The following AK7 variants were observed in gnomAD, a reference collection of about 807,000 sequenced individuals.
The protein encoded by AK7 is ATP-AMP transphosphorylase 7.
A neutral mutation model predicts 96.6 loss-of-function variants in AK7; 78 were observed. The observed-to-expected ratio is 0.81, with a 90% CI of 0.67 to 0.97. The LOEUF (loss-of-function observed/expected upper bound fraction) is 0.97, where lower values mean the gene tolerates loss of function less well. AK7 is among the 50% of genes least tolerant of loss of function. AK7 has a pLI of 0.00. For synonymous variants in AK7, 302 were observed against 317.2 expected (o/e 0.95, Z 0.51); for missense variants, 855 against 887.9 (o/e 0.96, Z 0.47).
intron 4 of AK7, among the ~76,000 whole-genome samples, chr14:96,412,753 G>A (rs904358464): frequency 7.3e-5 from 11 of 151,656 alleles, no homozygotes; most frequent in Admixed American, 3.9e-4. Context: ...TTTAAGTAGA[G>A]ATGGGGTTTC....
chr14:96,475,086 G>A, intron 14 of AK7, among the ~76,000 whole-genome samples: 1 of 152,218 alleles, frequency 6.6e-6, no homozygotes, highest in Non-Finnish European at 1.5e-5. Flanking sequence ...CTTAAACGTA[G>A]GCCACTGGAC....
At chr14:96,466,459 C>T (rs936081133) in intron 12 of AK7, among the ~76,000 whole-genome samples, 7 of 151,904 alleles carry the variant, frequency 4.6e-5, no homozygotes, top group Non-Finnish European at 8.8e-5. Context: ...AGGATGGTCT[C>T]GATCTCCTGA....
chr14:96,452,902 A>G (rs1353837009), intron 10 of AK7, among the ~76,000 whole-genome samples: 1 of 152,210 alleles, frequency 6.6e-6, no homozygotes, highest in East Asian at 1.9e-4. Context: ...AAATCAGATC[A>G]ATGAAGCACC....
intron 1 of AK7, among the ~76,000 whole-genome samples, chr14:96,396,046 G>A (rs758628347): frequency 5.3e-5 from 8 of 151,816 alleles, no homozygotes; most frequent in South Asian, 2.1e-4. Flanking sequence ...TCCTGACCTC[G>A]TGATCTGCCT....
chr14:96,410,085 A>G (rs938488127), intron 4 of AK7, among the ~76,000 whole-genome samples: 2 of 152,226 alleles, frequency 1.3e-5, no homozygotes, highest in African/African-American at 4.8e-5. Flanking sequence ...TATATATAAC[A>G]AGGAGATATT....
At chr14:96,401,404 A>G (rs11160335) in intron 2 of AK7, among the ~76,000 whole-genome samples, 23,511 of 152,162 alleles carry the variant, frequency 0.15, 2,478 homozygotes, top group East Asian at 0.48. Context: ...AGTCCTGCAG[A>G]TGGCCCTCCC....
intron 15 of AK7, among the ~76,000 whole-genome samples, chr14:96,482,322 G>A (rs1471627850): frequency 6.6e-6 from 1 of 152,190 alleles, no homozygotes; most frequent in Admixed American, 6.5e-5. Flanking sequence ...CAGCTACCCA[G>A]AGGAAGGTCT....
chr14:96,412,006 A>G (rs932854929), intron 4 of AK7, among the ~76,000 whole-genome samples: 17 of 152,178 alleles, frequency 1.1e-4, no homozygotes, highest in Non-Finnish European at 2.2e-4. Context: ...TCTCTTTGTC[A>G]TTGTCACAGG....
At chr14:96,472,001 TC>T (rs200055377) in intron 13 of AK7, among the ~76,000 whole-genome samples, 3,135 of 152,162 alleles carry the variant, frequency 0.021, 42 homozygotes, top group Non-Finnish European at 0.03. Context: ...TTTTGTTTTT[TC>T]CCCTCCCCAG....
Position 96,420,940 on chromosome 14 carries a change from T to C in AK7, c.609+8T>C. 2 of 1,548,288 alleles carry C rather than the reference T, an allele frequency of 1.3e-6. No individual in the cohort carries two copies. The highest frequency in any genetic ancestry group is 1.8e-6 in the Non-Finnish European group (2 of 1,121,490). ...CTCAAATTTGGAAAAAAGGTAAGTC[T>C]GGCATAGTGGAACATGGACATCATC... On this transcript the variant is annotated splice_region_variant and intron_variant, in intron 5 of 17. Coordinates refer to ENST00000267584, the MANE Select transcript of AK7 (RefSeq NM_152327.5).
At chr14:96,436,426 C>T (rs1892639053) in intron 5 of AK7, among the ~76,000 whole-genome samples, 6 of 152,120 alleles carry the variant, frequency 3.9e-5, no homozygotes, top group Admixed American at 3.3e-4. Context: ...AGGTGAATCA[C>T]TTGAGGTCAG....
intron 2 of AK7, among the ~76,000 whole-genome samples, chr14:96,403,209 G>C (rs914035544): frequency 5.9e-5 from 9 of 151,978 alleles, no homozygotes; most frequent in African/African-American, 1.9e-4. Context: ...CTTATAAAAA[G>C]GGGAAATTTA....
At chr14:96,412,175 G>A (rs1891068496) in intron 4 of AK7, among the ~76,000 whole-genome samples, 1 of 151,488 alleles carries the variant, frequency 6.6e-6, no homozygotes, top group East Asian at 1.9e-4. Context: ...GGGATGGGAA[G>A]AAGAAAGGTG....
intron 2 of AK7, among the ~76,000 whole-genome samples, chr14:96,401,843 C>A (rs1890426844): frequency 6.6e-6 from 1 of 152,200 alleles, no homozygotes; most frequent in Non-Finnish European, 1.5e-5. Context: ...CAAATATCTT[C>A]TCCTATGAGA....
chr14:96,467,347 C>T (rs114682244), intron 12 of AK7, among the ~76,000 whole-genome samples: 2,671 of 142,400 alleles, frequency 0.019, 83 homozygotes, highest in African/African-American at 0.064. Flanking sequence ...TTTTTTTTGG[C>T]AACAGATTCT....
At chr14:96,483,269 C>T (rs1360065934) in intron 16 of AK7, 50 bp downstream of exon 16, 8 of 1,535,460 alleles carry the variant, frequency 5.2e-6, no homozygotes, top group East Asian at 2.4e-5. Context: ...AACAGGGGTG[C>T]GGTGCCTGGC....
intron 17 of AK7, 60 bp from the exon 18 acceptor site, chr14:96,488,245 T>C (rs1595475594): frequency 1.3e-6 from 2 of 1,490,826 alleles, no homozygotes; most frequent in Non-Finnish European, 9.3e-7. Flanking sequence ...ACATTACTAA[T>C]ACAAATACAT....
At chr14:96,400,003 T>C (rs1890311476) in intron 2 of AK7, among the ~76,000 whole-genome samples, 1 of 151,724 alleles carries the variant, frequency 6.6e-6, no homozygotes, top group Admixed American at 6.6e-5. Context: ...CAAAATCATA[T>C]TTATTAGACC....
chr14:96,471,325 C>T (rs554977234), intron 12 of AK7, among the ~76,000 whole-genome samples, 153 bp from the exon 13 acceptor site: 5 of 143,178 alleles, frequency 3.5e-5, no homozygotes, highest in East Asian at 4.0e-4. Context: ...AGTGAGACCC[C>T]GTCTCTTTAA....
Sources: allele counts gnomAD v4.1 joint callset (sites outside exome capture counted in the v4.1 genomes callset), GRCh38; gene constraint gnomAD v4.1.1; transcripts MANE v1.5; gene names NCBI Gene and HGNC (gene_info 2026-07-23, HGNC 2026-07-21).